The following WDR27 variants were observed in gnomAD, a reference collection of about 807,000 sequenced individuals.
The protein encoded by WDR27 is WD repeat domain 27.
A neutral mutation model predicts 114.4 loss-of-function variants in WDR27; 100 were observed. The ratio of observed to expected loss-of-function variants is 0.87; its 90% CI spans 0.74 to 1.03. The LOEUF (loss-of-function observed/expected upper bound fraction) is 1.03, where lower values mean the gene tolerates loss of function less well. Ranked by LOEUF, WDR27 falls within the 50% of genes least tolerant of loss-of-function variation. WDR27 has a pLI of 0.00. For missense variants in WDR27, 1,129 were observed against 1,092.9 expected (o/e 1.03, Z -0.47); for synonymous variants, 449 against 423.1 (o/e 1.06, Z -0.75).
intron 25 of WDR27, among the ~76,000 whole-genome samples, chr6:169,476,298 G>GGCTCCTT (rs1294391268): frequency 1.3e-5 from 2 of 152,254 alleles, no homozygotes; most frequent in African/African-American, 4.8e-5. Flanking sequence ...TAGACTTGCT[G>GGCTCCTT]GCTCCTTGCT....
chr6:169,623,891 T>C (rs1813978469), intron 21 of WDR27, among the ~76,000 whole-genome samples: 1 of 152,188 alleles, frequency 6.6e-6, no homozygotes, highest in African/African-American at 2.4e-5. Context: ...TAGGTCCTAG[T>C]AAATGAGCCT....
At chr6:169,696,763 A>C (rs1180940604) in intron 1 of WDR27, among the ~76,000 whole-genome samples, 1 of 152,000 alleles carries the variant, frequency 6.6e-6, no homozygotes, top group Non-Finnish European at 1.5e-5. Context: ...AAAATACAAA[A>C]ATTAGCTGGG....
rs1417753373 is a variant in WDR27 at position 169,699,772 on chromosome 6, A to G, written c.-8+1779T>C. 2.0e-5 allele frequency among the ~76,000 whole-genome samples: 3 copies of G among 152,304 alleles called. No homozygotes were observed. In the East Asian group the frequency reaches 5.8e-4, roughly 29 times the overall value. ...CGAGGCAGAAGGATCACTTGAGCCCAGGAGTTCAAGACCAGCCTGGGCAAC... is the reference window on the plus strand; with the variant it reads ...CGAGGCAGAAGGATCACTTGAGCCCGGGAGTTCAAGACCAGCCTGGGCAAC... On this transcript the variant is annotated intron_variant, in intron 1 of 25. Coordinates refer to ENST00000448612, the MANE Select transcript of WDR27 (RefSeq NM_182552.5).
At chr6:169,471,746 G>A (rs894467051) in intron 25 of WDR27, among the ~76,000 whole-genome samples, 2 of 152,172 alleles carry the variant, frequency 1.3e-5, no homozygotes, top group Non-Finnish European at 2.9e-5. Flanking sequence ...TAGGTGATCT[G>A]TTAGTCCATC....
At chr6:169,632,462 TCAGA>T (rs1343756208) in intron 21 of WDR27, among the ~76,000 whole-genome samples, 3 of 152,194 alleles carry the variant, frequency 2.0e-5, no homozygotes, top group African/African-American at 7.2e-5. Context: ...CGTGCAGCTA[TCAGA>T]CAATGAACTC....
chr6:169,552,250 C>T (rs535620732), intron 25 of WDR27, among the ~76,000 whole-genome samples: 1 of 152,190 alleles, frequency 6.6e-6, no homozygotes, highest in African/African-American at 2.4e-5. Flanking sequence ...AGCTGCCCCC[C>T]ACTTCCTTCC....
chr6:169,629,664 G>A (rs2473448), intron 21 of WDR27, among the ~76,000 whole-genome samples: 1 of 152,116 alleles, frequency 6.6e-6, no homozygotes, highest in Non-Finnish European at 1.5e-5. Context: ...CGGTGGCTCA[G>A]GCTTGTAATC....
the WDR27 span, among the ~76,000 whole-genome samples, chr6:169,429,917 G>C: frequency 7.6e-3 from 1,158 of 152,276 alleles, 21 homozygotes; most frequent in African/African-American, 0.027. Flanking sequence ...GTTTTACCAG[G>C]TATTTGCCAC....
intron 10 of WDR27, among the ~76,000 whole-genome samples, chr6:169,660,290 C>T (rs1011113573): frequency 3.9e-5 from 6 of 152,212 alleles, no homozygotes; most frequent in South Asian, 2.1e-4. Flanking sequence ...GCGCCTCGGC[C>T]GGGTTTACGC....
intron 21 of WDR27, among the ~76,000 whole-genome samples, chr6:169,620,989 G>A (rs1045605333): frequency 4.6e-5 from 7 of 152,296 alleles, no homozygotes; most frequent in South Asian, 2.1e-4. Context: ...TGTAATACAC[G>A]TGTTCCTATG....
the WDR27 span, among the ~76,000 whole-genome samples, chr6:169,432,731 T>C: frequency 6.6e-6 from 1 of 152,122 alleles, no homozygotes; most frequent in Non-Finnish European, 1.5e-5. Flanking sequence ...AGTGTGAAAA[T>C]CGACTAATAC....
At chr6:169,462,490 G>GAGAGAGAGAAAGAAAGAAAGAA (rs555265160) in intron 25 of WDR27, among the ~76,000 whole-genome samples, 8 of 149,850 alleles carry the variant, frequency 5.3e-5, no homozygotes, top group African/African-American at 2.0e-4. Context: ...GAGAGAGAGA[G>GAGAGAGAGAAAGAAAGAAAGAA]AGAAAGAAAG....
intron 25 of WDR27, among the ~76,000 whole-genome samples, chr6:169,551,484 C>G (rs548315981): frequency 4.8e-4 from 73 of 152,204 alleles, no homozygotes; most frequent in Middle Eastern, 3.4e-3. Context: ...GAGGAGGATC[C>G]AGTACTTTAG....
intron 2 of WDR27, among the ~76,000 whole-genome samples, chr6:169,677,784 C>T (rs1220589164): frequency 6.6e-6 from 1 of 152,272 alleles, no homozygotes; most frequent in Admixed American, 6.5e-5. Flanking sequence ...CCTCAGGACA[C>T]TGCTCCCGTC....
chr6:169,620,618 C>T (rs947305501), intron 21 of WDR27, among the ~76,000 whole-genome samples: 3 of 152,200 alleles, frequency 2.0e-5, no homozygotes, highest in African/African-American at 7.2e-5. Flanking sequence ...AACCAAAGTA[C>T]ATGGTACACA....
In WDR27 at chr6:169,689,156, A is replaced by G. The variant is rs569116064; in HGVS notation, c.-7-144T>C. 3.3e-4 allele frequency: 171 copies of G among 514,410 alleles called. 1 individual carries two copies. The highest frequency in any genetic ancestry group is 2.1e-3 in the Middle Eastern group (4 of 1,918). 31.9% of individuals were successfully genotyped at this position (514,410 alleles called of 1,614,324 possible). A position where few individuals can be genotyped will look rare whatever the true frequency, so the allele number is the denominator to read the frequency against. On this transcript the variant is annotated intron_variant, in intron 1 of 25. Coordinates refer to ENST00000448612, the MANE Select transcript of WDR27 (RefSeq NM_182552.5). The stretch of plus-strand genomic sequence containing the variant: ...TTATTCACCTCTCCTCATCCCAAGA[A>G]AAAAGAAGAGAAATTGCCGAAAACT...
intron 25 of WDR27, among the ~76,000 whole-genome samples, chr6:169,554,914 GA>G (rs1798663671): frequency 6.6e-6 from 1 of 152,030 alleles, no homozygotes; most frequent in South Asian, 2.1e-4. Flanking sequence ...TTGCCTCCAC[GA>G]TGACATAAAT....
At chr6:169,557,511 C>A (rs1041617382) in intron 25 of WDR27, among the ~76,000 whole-genome samples, 1 of 152,256 alleles carries the variant, frequency 6.6e-6, no homozygotes, top group Non-Finnish European at 1.5e-5. Flanking sequence ...GGAGCCCTCA[C>A]CCTACATGAT....
intron 23 of WDR27, among the ~76,000 whole-genome samples, chr6:169,586,576 T>A (rs369935525): frequency 1.3e-5 from 2 of 151,968 alleles, no homozygotes; most frequent in Non-Finnish European, 2.9e-5. Flanking sequence ...AAGGCAGTCA[T>A]GGCCGGGCAC....
Sources: allele counts gnomAD v4.1 joint callset (sites outside exome capture counted in the v4.1 genomes callset), GRCh38; gene constraint gnomAD v4.1.1; transcripts MANE v1.5; gene names NCBI Gene and HGNC (gene_info 2026-07-23, HGNC 2026-07-21).